The following HECTD4 variants were observed in gnomAD, a reference collection of about 807,000 sequenced individuals.
The protein encoded by HECTD4 is HECT domain E3 ubiquitin protein ligase 4.
HECTD4 carries 114 observed loss-of-function variants against 471.5 expected under a neutral mutation model. That is an observed-to-expected ratio of 0.24 (90% CI 0.21 to 0.28). The LOEUF is 0.28. Among genes scored for constraint, HECTD4 ranks in the 10% least tolerant of loss-of-function variants. The pLI, the probability that HECTD4 is intolerant of heterozygous loss-of-function variation, is 1.00. For synonymous variants in HECTD4, 2,012 were observed against 2,256.0 expected (o/e 0.89, Z 3.07); for missense variants, 3,866 against 5,651.5 (o/e 0.68, Z 10.13).
chr12:112,336,590 TTAAA>T (rs1364792050), intron 1 of HECTD4, among the ~76,000 whole-genome samples: 1 of 151,986 alleles, frequency 6.6e-6, no homozygotes, highest in Non-Finnish European at 1.5e-5. Context: ...TTTAATTATA[TTAAA>T]TAATTATTGT....
chr12:112,230,485 A>G (rs1285979639), intron 40 of HECTD4, among the ~76,000 whole-genome samples: 1 of 152,222 alleles, frequency 6.6e-6, no homozygotes, highest in Non-Finnish European at 1.5e-5. Flanking sequence ...CGTCTGCAAA[A>G]TGAGAACCGG....
At chr12:112,287,764 G>GA (rs1192147782) in intron 7 of HECTD4, among the ~76,000 whole-genome samples, 1 of 151,732 alleles carries the variant, frequency 6.6e-6, no homozygotes, top group Admixed American at 6.6e-5. Flanking sequence ...CTAAAAAAAA[G>GA]AAAAAAAGAG....
At chr12:112,306,034 A>G (rs1361433485) in intron 7 of HECTD4, 30 bp downstream of exon 7, 10 of 1,572,826 alleles carry the variant, frequency 6.4e-6, no homozygotes, top group African/African-American at 1.4e-5. Context: ...ATGTTTCTGC[A>G]AAGATACAAG....
At chr12:112,207,517 A>C (rs1265920242) in intron 52 of HECTD4, among the ~76,000 whole-genome samples, 1 of 152,186 alleles carries the variant, frequency 6.6e-6, no homozygotes, top group Non-Finnish European at 1.5e-5. Flanking sequence ...CACATATTCC[A>C]TTTTAAAGAT....
chr12:112,342,774 T>TGCCATGTCATAC, intron 1 of HECTD4, among the ~76,000 whole-genome samples: 1 of 152,348 alleles, frequency 6.6e-6, no homozygotes, highest in Non-Finnish European at 1.5e-5. Context: ...TGCCAAATTA[T>TGCCATGTCATAC]GCCATGTCAT....
intron 45 of HECTD4, 117 bp from the exon 46 acceptor site, chr12:112,217,312 C>CAGGCAT: frequency 1.8e-6 from 1 of 555,590 alleles, no homozygotes. Context: ...CACACACACA[C>CAGGCAT]ACACATACAC....
chr12:112,225,613 T>A (rs2033213192), intron 44 of HECTD4, among the ~76,000 whole-genome samples: 1 of 136,360 alleles, frequency 7.3e-6, no homozygotes, highest in African/African-American at 2.7e-5. Context: ...ACAAACAAAT[T>A]GTAAGGCAAA....
chr12:112,359,068 A>C (rs903872003), intron 1 of HECTD4, among the ~76,000 whole-genome samples: 6 of 151,874 alleles, frequency 4.0e-5, no homozygotes, highest in Admixed American at 6.6e-5. Flanking sequence ...CCCAGCTACT[A>C]GGGAGGCTGA....
intron 67 of HECTD4, 40 bp downstream of exon 67, chr12:112,172,631 A>G (rs2031272271): frequency 6.3e-7 from 1 of 1,594,320 alleles, no homozygotes; most frequent in African/African-American, 1.3e-5. Context: ...GCATGCCCGC[A>G]TCAGGCAGCA....
rs1566059237 is a variant in HECTD4 at position 112,171,108 on chromosome 12, G to C, written c.11932+9C>G. On this transcript the variant is annotated intron_variant, in intron 68 of 75. Coordinates refer to ENST00000682272, the MANE Select transcript of HECTD4 (RefSeq NM_001388303.1). ...TTCCTGCAGGGCCAGGGCAGGTGCA[G>C]GCACTGACCTTTGGCCTCCTTCAGC... 1.2e-6 allele frequency: 2 copies of C among 1,610,190 alleles called. No individual in the cohort carries two copies. The highest frequency in any genetic ancestry group is 3.4e-5 in the Admixed American group (2 of 59,666).
chr12:112,293,543 A>AAAATC (rs2034943669), intron 7 of HECTD4, among the ~76,000 whole-genome samples: 1 of 151,078 alleles, frequency 6.6e-6, no homozygotes, highest in Non-Finnish European at 1.5e-5. Flanking sequence ...TTCCATCTCA[A>AAAATC]AATCAATCAA....
At chr12:112,221,708 G>A (rs1353713857) in intron 44 of HECTD4, among the ~76,000 whole-genome samples, 1 of 151,962 alleles carries the variant, frequency 6.6e-6, no homozygotes, top group Admixed American at 6.6e-5. Flanking sequence ...GATCACTTGA[G>A]CCCAGAGGCA....
chr12:112,345,455 G>A (rs1418590802), intron 1 of HECTD4, among the ~76,000 whole-genome samples: 1 of 151,872 alleles, frequency 6.6e-6, no homozygotes, highest in African/African-American at 2.4e-5. Flanking sequence ...ACCAGAATAA[G>A]CAATTAGAGG....
At chr12:112,229,979 T>C (rs2033336538) in intron 40 of HECTD4, 99 bp from the exon 41 acceptor site, 1 of 1,116,720 alleles carries the variant, frequency 9.0e-7, no homozygotes, top group East Asian at 2.6e-5. Context: ...GTCCCATGTA[T>C]TGAAGGAACT....
intron 72 of HECTD4, among the ~76,000 whole-genome samples, chr12:112,165,965 C>T (rs2030939408): frequency 6.6e-6 from 1 of 152,232 alleles, no homozygotes; most frequent in South Asian, 2.1e-4. Flanking sequence ...ACCGCAGACA[C>T]TCCACTGATA....
chr12:112,345,616 T>C (rs565075456), intron 1 of HECTD4, among the ~76,000 whole-genome samples: 1 of 152,342 alleles, frequency 6.6e-6, no homozygotes, highest in East Asian at 1.9e-4. Flanking sequence ...TGAGTATGTA[T>C]GGCTTTTGTA....
intron 1 of HECTD4, among the ~76,000 whole-genome samples, chr12:112,371,770 C>G (rs1304105071): frequency 1.3e-5 from 2 of 151,036 alleles, no homozygotes; most frequent in African/African-American, 4.9e-5. Flanking sequence ...CCTGTAATCC[C>G]AGCTACTTGG....
chr12:112,323,994 C>CT (rs2035663522), intron 1 of HECTD4, among the ~76,000 whole-genome samples: 1 of 38,612 alleles, frequency 2.6e-5, no homozygotes, highest in African/African-American at 2.7e-4. Flanking sequence ...TCCTTCCTTC[C>CT]TTCCTTCCTT....
chr12:112,175,713 G>A (rs1298312325), intron 66 of HECTD4, 23 bp downstream of exon 66: 22 of 1,607,906 alleles, frequency 1.4e-5, no homozygotes, highest in Non-Finnish European at 1.7e-5. Context: ...GGTGCCAACT[G>A]AGTCGAGGGG....
Sources: allele counts gnomAD v4.1 joint callset (sites outside exome capture counted in the v4.1 genomes callset), GRCh38; gene constraint gnomAD v4.1.1; transcripts MANE v1.5; gene names NCBI Gene and HGNC (gene_info 2026-07-23, HGNC 2026-07-21).